NME9: variants seen among roughly 807,000 people sequenced by gnomAD.
NME9 encodes the protein NME/NM23 family member 9, also known as thioredoxin domain-containing protein 6.
NME9 carries 48 observed loss-of-function variants against 44.4 expected under a neutral mutation model. The ratio of observed to expected loss-of-function variants is 1.08; its 90% confidence interval spans 0.86 to 1.37. NME9 has a LOEUF of 1.37. Among genes scored for constraint, NME9 ranks in the 40% most tolerant of loss-of-function variants. The pLI, the probability that NME9 is intolerant of heterozygous loss-of-function variation, is 0.00. For synonymous variants in NME9, 139 were observed against 147.1 expected, an observed-to-expected ratio of 0.94 and a Z score of 0.40; for missense variants, 325 against 405.2, an observed-to-expected ratio of 0.80 and a Z score of 1.70.
At chr3:138,285,669 T>C (rs1401412206) in intron 8 of NME9, among the ~76,000 whole-genome samples, 1 of 152,222 alleles carries the variant, frequency 6.6e-6, no homozygotes, top group Non-Finnish European at 1.5e-5. Context: ...TAGTGATATA[T>C]GTTTGTGTGC....
At position 138,329,574 on chromosome 3, in the gene NME9, C is replaced by A. The variant is rs1428138451; in HGVS notation, c.-239G>T. On this transcript the variant is annotated 5_prime_UTR_variant, in exon 1 of 11. Coordinates refer to ENST00000333911, the MANE Select transcript of NME9 (RefSeq NM_001349018.2). ...GTCCACGGGCTCGTGGCTCGCCGGG[C>A]GGTTTTCTGGGGATCTGCGAAGCCC... 6 of 1,312,322 alleles carry A rather than the reference C, an allele frequency of 4.6e-6. No homozygotes were observed. In the Admixed American group the frequency reaches 1.6e-4, roughly 34 times the overall value. 81.3% of individuals were successfully genotyped at this position (1,312,322 alleles called of 1,614,324 possible).
chr3:138,309,147 TTAGC>T (rs150223445), intron 6 of NME9, among the ~76,000 whole-genome samples: 2,050 of 151,156 alleles, frequency 0.014, 47 homozygotes, highest in African/African-American at 0.048. Context: ...AAAAAAAAAA[TTAGC>T]TAGGTGTGGT....
At position 138,329,598 on chromosome 3, in the gene NME9, C is replaced by A. The variant is rs773277002; in HGVS notation, c.-263G>T. 7 of 1,318,656 alleles carry A rather than the reference C, an allele frequency of 5.3e-6. No individual in the cohort carries two copies. In the African/African-American group the frequency reaches 7.6e-5, roughly 14 times the overall value. The allele number at this position is 1,318,656 out of a possible 1,614,324, so 81.7% of individuals were successfully genotyped here. ...GCGGTTTTCTGGGGATCTGCGAAGC[C>A]CCCTCCCCACCCCGGAGCCGGCCAG... On this transcript the variant is annotated 5_prime_UTR_variant, in exon 1 of 11. Transcript: ENST00000333911.
chr3:138,328,121 C>A (rs1250385088), intron 1 of NME9, among the ~76,000 whole-genome samples: 1 of 152,178 alleles, frequency 6.6e-6, no homozygotes, highest in Non-Finnish European at 1.5e-5. Context: ...TTACTTCAAC[C>A]AGAACATTCA....
In NME9 at chr3:138,306,380, A is replaced by G. The variant is rs1325746013; in HGVS notation, c.543+18T>C. 6.4e-7 allele frequency: 1 copy of G among 1,562,990 alleles called. No individual in the cohort carries two copies. The highest frequency in any genetic ancestry group is 1.7e-5 in the Admixed American group (1 of 59,982). ...GGACACAAGGACAGTGGTGCATGGT[A>G]AGTGTTGTCTCTCTTACCTTCATGA... On this transcript the variant is annotated intron_variant, in intron 7 of 10. Coordinates refer to ENST00000333911, the MANE Select transcript of NME9 (RefSeq NM_001349018.2).
intron 8 of NME9, among the ~76,000 whole-genome samples, chr3:138,294,411 T>A (rs778904866): frequency 2.2e-4 from 33 of 152,196 alleles, no homozygotes; most frequent in Non-Finnish European, 4.4e-4. Flanking sequence ...GTGGCATCAT[T>A]CATAAACTTG....
intron 8 of NME9, chr3:138,288,882 C>T (rs2108378696): frequency 3.6e-6 from 2 of 562,572 alleles, no homozygotes; most frequent in Non-Finnish European, 6.4e-6. Flanking sequence ...GATCTTCCAC[C>T]TGCCTTGGTC....
chr3:138,269,019 C>T (rs940810646), intron 8 of NME9, among the ~76,000 whole-genome samples: 12 of 152,144 alleles, frequency 7.9e-5, no homozygotes, highest in South Asian at 2.1e-4. Context: ...GCATGATGTA[C>T]GCATCCTACT....
intron 8 of NME9, chr3:138,263,690 T>G: frequency 6.9e-7 from 1 of 1,442,620 alleles, no homozygotes; most frequent in Non-Finnish European, 9.8e-7. Context: ...AGCAGTGAAG[T>G]TTGTCACCTT....
At chr3:138,270,767 TA>T (rs1463918151) in intron 8 of NME9, among the ~76,000 whole-genome samples, 1 of 152,190 alleles carries the variant, frequency 6.6e-6, no homozygotes, top group Non-Finnish European at 1.5e-5. Context: ...CAGTTTCTAG[TA>T]AATAATTTGT....
chr3:138,329,194 G>T, intron 1 of NME9, 109 bp downstream of exon 1: 2 of 959,704 alleles, frequency 2.1e-6, no homozygotes, highest in Non-Finnish European at 3.2e-6. Context: ...ACACTGTCAC[G>T]TACTGCTGGC....
At chr3:138,270,029 TCCAA>T (rs1311098051) in intron 8 of NME9, 1 of 1,598,448 alleles carries the variant, frequency 6.3e-7, no homozygotes, top group Admixed American at 1.7e-5. Flanking sequence ...TTTTTCCCTG[TCCAA>T]TGGCAGCCAA....
At chr3:138,326,418 A>G (rs1314165393) in intron 1 of NME9, among the ~76,000 whole-genome samples, 1 of 152,176 alleles carries the variant, frequency 6.6e-6, no homozygotes, top group Non-Finnish European at 1.5e-5. Context: ...AAAGACCACA[A>G]AAATTACTAC....
chr3:138,274,427 T>C (rs767591358), intron 8 of NME9: 1 of 1,476,094 alleles, frequency 6.8e-7, no homozygotes, highest in African/African-American at 1.4e-5. Flanking sequence ...TTGATAATTA[T>C]GGATTTCCCA....
chr3:138,289,237 C>G (rs1577046619), intron 8 of NME9: 2 of 760,116 alleles, frequency 2.6e-6, no homozygotes, highest in East Asian at 2.8e-5. Context: ...ACCATCTGGC[C>G]CAAGCACCCT....
chr3:138,262,397 G>A (rs1012308880), exon 9 of NME9: 16 of 917,780 alleles, frequency 1.7e-5, no homozygotes, highest in African/African-American at 8.3e-5. Context: ...CAGCTAAAAT[G>A]TGGTTCCCTG....
chr3:138,266,743 A>G (rs958850637), intron 8 of NME9, among the ~76,000 whole-genome samples: 1 of 152,160 alleles, frequency 6.6e-6, no homozygotes, highest in Non-Finnish European at 1.5e-5. Context: ...CTCCTGGTCA[A>G]ACAAGCCCTT....
At chr3:138,269,447 C>T (rs553813653) in intron 8 of NME9, among the ~76,000 whole-genome samples, 1 of 152,232 alleles carries the variant, frequency 6.6e-6, no homozygotes, top group Admixed American at 6.5e-5. Context: ...TAAAATGTGG[C>T]ATGACTGTAA....
chr3:138,321,534 C>A (rs142014191), intron 2 of NME9, among the ~76,000 whole-genome samples: 17 of 152,312 alleles, frequency 1.1e-4, no homozygotes, highest in African/African-American at 3.8e-4. Context: ...TGAAGGGGGA[C>A]ACATTTAAAC....
Sources: gnomAD v4.1 joint callset for allele counts (sites outside exome capture counted in the v4.1 genomes callset) on GRCh38, gnomAD v4.1.1 for gene constraint, MANE v1.5 for transcripts, NCBI Gene and HGNC (gene_info 2026-07-23, HGNC 2026-07-21) for gene names.